APBA1: variants seen among roughly 807,000 people sequenced by gnomAD.
APBA1 encodes the protein amyloid beta precursor protein binding family A member 1, also known as amyloid-beta A4 precursor protein-binding family A member 1.
APBA1 carries 55 observed loss-of-function variants against 86.6 expected under a neutral mutation model. The observed-to-expected ratio is 0.64, with a 90% confidence interval of 0.51 to 0.80. The LOEUF is 0.80. Ranked by LOEUF, APBA1 falls within the 30% of genes least tolerant of loss-of-function variation. The pLI, the probability that APBA1 is intolerant of heterozygous loss-of-function variation, is 0.00. For synonymous variants in APBA1, 511 were observed against 493.9 expected (o/e 1.03, Z -0.46); for missense variants, 1,090 against 1,183.0 (o/e 0.92, Z 1.15).
At chr9:69,581,486 C>T (rs752889380) in intron 1 of APBA1, among the ~76,000 whole-genome samples, 5 of 152,068 alleles carry the variant, frequency 3.3e-5, no homozygotes, top group African/African-American at 9.7e-5. Flanking sequence ...GGTGTGTTTG[C>T]GGGGGCAGAG....
intron 1 of APBA1, among the ~76,000 whole-genome samples, chr9:69,601,551 A>G (rs1208447063): frequency 6.6e-6 from 1 of 152,246 alleles, no homozygotes; most frequent in Admixed American, 6.5e-5. Flanking sequence ...TAGTTGTCAT[A>G]GTGTAGCTAA....
Position 69,452,231 on chromosome 9 carries a change from C to T in APBA1, c.1859G>A (p.Gly620Glu). 1 of 1,614,210 alleles carries T rather than the reference C, an allele frequency of 6.2e-7. No individual in the cohort carries two copies. The highest frequency in any genetic ancestry group is 1.1e-5 in the South Asian group (1 of 91,082). The stretch of plus-strand genomic sequence containing the variant: ...CTGGCTGAGATCTTCGGGGTTAATC[C>T]CATTGGCCCTGAGGAATTCCTGGTA... ...VAYQEFLRAN[G>E]INPEDLSQKE... The change falls in exon 9 of 13, where the codon GGG (glycine) becomes GAG (glutamate). Residue 620 changes from glycine (G) to glutamate (E), a missense_variant. Around this residue, in one of 6 missense-constraint regions of APBA1, gnomAD observed 97 missense variants for 166.8 expected, o/e 0.58. Transcript: ENST00000265381.
chr9:69,473,830 C>T (rs1407853737), intron 3 of APBA1, among the ~76,000 whole-genome samples: 1 of 151,920 alleles, frequency 6.6e-6, no homozygotes, highest in African/African-American at 2.4e-5. Flanking sequence ...CTTTCTTAGT[C>T]TCTGGGGTAG....
At chr9:69,581,646 T>C (rs1189695350) in intron 1 of APBA1, among the ~76,000 whole-genome samples, 2 of 151,362 alleles carry the variant, frequency 1.3e-5, no homozygotes, top group Non-Finnish European at 2.9e-5. Flanking sequence ...AAGGAAGGAG[T>C]CTTCAGGAAG....
At chr9:69,656,805 C>G (rs1458716927) in intron 1 of APBA1, among the ~76,000 whole-genome samples, 2 of 149,852 alleles carry the variant, frequency 1.3e-5, no homozygotes, top group Non-Finnish European at 3.0e-5. Context: ...GACTAGTAGT[C>G]AAACTTTTCA....
intron 1 of APBA1, among the ~76,000 whole-genome samples, chr9:69,583,199 A>G: frequency 6.6e-6 from 1 of 152,176 alleles, no homozygotes; most frequent in East Asian, 1.9e-4. Context: ...GAAATGCTAT[A>G]TAGACTGCAT....
intron 1 of APBA1, among the ~76,000 whole-genome samples, chr9:69,593,417 C>A (rs1411023836): frequency 6.6e-6 from 1 of 152,090 alleles, no homozygotes; most frequent in Non-Finnish European, 1.5e-5. Flanking sequence ...TTGCTTAGAC[C>A]TCCTCCAATC....
At chr9:69,486,247 C>T (rs1383059919) in intron 2 of APBA1, among the ~76,000 whole-genome samples, 1 of 152,078 alleles carries the variant, frequency 6.6e-6, no homozygotes, top group Non-Finnish European at 1.5e-5. Context: ...CCACTGCCCC[C>T]GGCCTCATTT....
intron 1 of APBA1, among the ~76,000 whole-genome samples, chr9:69,549,914 T>C (rs373493293): frequency 4.0e-4 from 61 of 152,208 alleles, no homozygotes; most frequent in African/African-American, 1.4e-3. Flanking sequence ...GTACAGGCTT[T>C]CGATCCTAAA....
chr9:69,462,781 A>G (rs112815416), intron 5 of APBA1: 3 of 152,236 alleles, frequency 2.0e-5, no homozygotes, highest in African/African-American at 7.2e-5. Context: ...ACCTTTCTCT[A>G]AGGCAGTGGT....
intron 2 of APBA1, among the ~76,000 whole-genome samples, chr9:69,492,923 CAG>C (rs1419732209): frequency 1.3e-5 from 2 of 152,016 alleles, no homozygotes; most frequent in South Asian, 2.1e-4. Flanking sequence ...TTAAAAATTA[CAG>C]AGTTTTGCCA....
intron 1 of APBA1, among the ~76,000 whole-genome samples, chr9:69,657,755 T>A (rs537297580): frequency 1.6e-4 from 24 of 152,354 alleles, no homozygotes; most frequent in African/African-American, 5.3e-4. Flanking sequence ...TACTTTAGAT[T>A]CTACTCTAGC....
At chr9:69,657,472 C>T (rs1823635432) in intron 1 of APBA1, among the ~76,000 whole-genome samples, 1 of 152,222 alleles carries the variant, frequency 6.6e-6, no homozygotes, top group South Asian at 2.1e-4. Flanking sequence ...TGACCTGTGT[C>T]TAGTGTTAAT....
chr9:69,453,089 A>G (rs1272489892), intron 8 of APBA1, among the ~76,000 whole-genome samples: 3 of 152,206 alleles, frequency 2.0e-5, no homozygotes, highest in Admixed American at 2.0e-4. Context: ...GTTGCGCCAG[A>G]GCATTTATTA....
At chr9:69,491,397 T>C (rs1000668351) in intron 2 of APBA1, among the ~76,000 whole-genome samples, 3 of 151,814 alleles carry the variant, frequency 2.0e-5, no homozygotes, top group South Asian at 2.1e-4. Context: ...TAGGTGGGAA[T>C]TGAACAAAGA....
At chr9:69,598,451 A>T (rs780408371) in intron 1 of APBA1, among the ~76,000 whole-genome samples, 36 of 95,532 alleles carry the variant, frequency 3.8e-4, no homozygotes, top group Admixed American at 1.2e-3. Context: ...TAAAAAAATT[A>T]AAAAAAAAAA....
chr9:69,590,277 C>T (rs1179079191), intron 1 of APBA1, among the ~76,000 whole-genome samples: 1 of 152,192 alleles, frequency 6.6e-6, no homozygotes, highest in Non-Finnish European at 1.5e-5. Flanking sequence ...GCAGATCCAG[C>T]GAGGTTCAAA....
Position 69,543,288 on chromosome 9 carries a change from C to G in APBA1, c.-69-26009G>C, listed in dbSNP as rs1053493209. Among the ~76,000 whole-genome samples, 919 of 138,704 alleles carry G rather than the reference C, an allele frequency of 6.6e-3. 8 individuals are homozygous for G. Among genetic ancestry groups the G allele is most frequent in the African/African-American group, 0.017 (599 of 35,614 alleles). The allele number at this position is 138,704 out of a possible 152,430, so 91.0% of individuals were successfully genotyped here. A position where few individuals can be genotyped will look rare whatever the true frequency, so the allele number is the denominator to read the frequency against. ...CTGTGCTGGGATTTCCCCCCCCCCC[C>G]CCCGGCCTGTCCTCCACAGCCTGCA... On this transcript the variant is annotated intron_variant, in intron 1 of 12. Coordinates refer to ENST00000265381, the MANE Select transcript of APBA1 (RefSeq NM_001163.4).
chr9:69,511,990 G>C (rs980080070), intron 2 of APBA1, among the ~76,000 whole-genome samples: 4 of 151,740 alleles, frequency 2.6e-5, no homozygotes, highest in African/African-American at 9.7e-5. Flanking sequence ...GAGTTAGTGG[G>C]TGCAGCGCAC....
Sources: allele counts gnomAD v4.1 joint callset (sites outside exome capture counted in the v4.1 genomes callset), GRCh38; gene constraint gnomAD v4.1.1; regional missense constraint gnomAD v4.1.1; transcripts MANE v1.5; gene names NCBI Gene and HGNC (gene_info 2026-07-23, HGNC 2026-07-21).